Variants in NRXN1 observed in about 807,000 individuals in gnomAD.
The protein encoded by NRXN1 is neurexin-1.
NRXN1 carries 39 observed loss-of-function variants against 150.9 expected under a neutral mutation model. The ratio of observed to expected loss-of-function variants is 0.26; its 90% confidence interval spans 0.20 to 0.34. The LOEUF is 0.34. Among genes scored for constraint, NRXN1 ranks in the 10% least tolerant of loss-of-function variants. The pLI is 1.00. For synonymous variants in NRXN1, 924 were observed against 757.0 expected, an observed-to-expected ratio of 1.22 and a Z score of -3.62; for missense variants, 1,815 against 1,949.9, an observed-to-expected ratio of 0.93 and a Z score of 1.30.
intron 2 of NRXN1, among the ~76,000 whole-genome samples, chr2:50,963,636 G>A (rs1017264943): frequency 6.6e-6 from 1 of 151,664 alleles, no homozygotes; most frequent in Non-Finnish European, 1.5e-5. Context: ...TTACCTGAAT[G>A]AGGAAGACAC....
intron 2 of NRXN1, among the ~76,000 whole-genome samples, chr2:50,978,271 C>CATATATATATATATATATATATATATAT (rs10671122): frequency 4.2e-5 from 4 of 95,034 alleles, no homozygotes; most frequent in Non-Finnish European, 9.1e-5. Flanking sequence ...GGATATTATA[C>CATATATATATATATATATATATATATAT]ATATATATAT....
intron 2 of NRXN1, among the ~76,000 whole-genome samples, chr2:50,938,630 G>T (rs926845001): frequency 2.0e-5 from 3 of 152,082 alleles, no homozygotes; most frequent in East Asian, 1.9e-4. Context: ...CCTAAGACTG[G>T]GTAATTCATA....
chr2:50,954,755 GT>G (rs1381322024), intron 2 of NRXN1, among the ~76,000 whole-genome samples: 6 of 152,188 alleles, frequency 3.9e-5, no homozygotes, highest in Non-Finnish European at 8.8e-5. Context: ...CAGAGTTGGA[GT>G]TTCTATGAAT....
chr2:50,495,718 A>G (rs2091563644), intron 15 of NRXN1, among the ~76,000 whole-genome samples, 187 bp downstream of exon 15: 1 of 152,120 alleles, frequency 6.6e-6, no homozygotes. Context: ...GTTATTAAAA[A>G]TACATAGGTT....
Position 50,132,753 on chromosome 2 carries a change from G to A in NRXN1, c.3547-41259C>T, listed in dbSNP as rs996565380. Among the ~76,000 whole-genome samples, 8 of 151,882 alleles carry A rather than the reference G, an allele frequency of 5.3e-5. No homozygotes were observed. The East Asian group carries it at 1.2e-3, about 22-fold the overall frequency. On this transcript the variant is annotated intron_variant, in intron 18 of 22. Transcript: ENST00000401669. ...CTTTCTTCCAGTAGCTTCCTGGAAG[G>A]AAAATTTGAGGAAACGTCTAATGTA...
chr2:50,333,703 A>G (rs974283957), intron 17 of NRXN1, among the ~76,000 whole-genome samples: 7 of 151,930 alleles, frequency 4.6e-5, no homozygotes, highest in Non-Finnish European at 1.0e-4. Flanking sequence ...GACGGCCTCT[A>G]TTAGGCCTGA....
At chr2:50,558,726 T>C (rs1049651036) in intron 8 of NRXN1, among the ~76,000 whole-genome samples, 6 of 152,226 alleles carry the variant, frequency 3.9e-5, no homozygotes, top group African/African-American at 1.2e-4. Flanking sequence ...TTTTTGTTTG[T>C]TTATTTGTTT....
At chr2:50,749,363 G>A (rs1189614585) in intron 5 of NRXN1, among the ~76,000 whole-genome samples, 5 of 151,982 alleles carry the variant, frequency 3.3e-5, no homozygotes, top group African/African-American at 9.7e-5. Context: ...CTAAAAGTCC[G>A]TGAATCCCAT....
intron 5 of NRXN1, among the ~76,000 whole-genome samples, chr2:50,810,857 G>A (rs1668119153): frequency 6.6e-6 from 1 of 152,002 alleles, no homozygotes; most frequent in Admixed American, 6.6e-5. Context: ...GTGCACACCT[G>A]TAGTCCCAGC....
At chr2:49,957,680 C>G (rs1455367333) in intron 21 of NRXN1, among the ~76,000 whole-genome samples, 2 of 152,154 alleles carry the variant, frequency 1.3e-5, no homozygotes, top group Non-Finnish European at 2.9e-5. Context: ...AAGCATTTGT[C>G]AAATCATATT....
chr2:50,368,939 C>T (rs964855574), intron 17 of NRXN1, among the ~76,000 whole-genome samples: 2 of 151,880 alleles, frequency 1.3e-5, no homozygotes, highest in Non-Finnish European at 2.9e-5. Flanking sequence ...GAAATTATAG[C>T]ATTTGTAATA....
intron 5 of NRXN1, among the ~76,000 whole-genome samples, chr2:50,786,289 C>T (rs1705102594): frequency 6.6e-6 from 1 of 151,998 alleles, no homozygotes; most frequent in Admixed American, 6.6e-5. Context: ...AAGAGGGGCT[C>T]TTTTTAAAAA....
At chr2:50,770,633 A>C (rs1355102948) in intron 5 of NRXN1, among the ~76,000 whole-genome samples, 1 of 152,074 alleles carries the variant, frequency 6.6e-6, no homozygotes. Context: ...CTTACAATTA[A>C]ATTTTTTATA....
chr2:50,055,702 C>T (rs1693491690), intron 19 of NRXN1, among the ~76,000 whole-genome samples: 1 of 152,138 alleles, frequency 6.6e-6, no homozygotes, highest in Non-Finnish European at 1.5e-5. Flanking sequence ...AAGGCTTTGA[C>T]AAAAGTCACT....
At chr2:50,208,395 G>C (rs963869256) in intron 18 of NRXN1, among the ~76,000 whole-genome samples, 2 of 152,038 alleles carry the variant, frequency 1.3e-5, no homozygotes, top group East Asian at 3.9e-4. Context: ...GACCAAGCAG[G>C]TATCAAATGA....
chr2:50,177,096 G>A (rs1479924235), intron 18 of NRXN1, among the ~76,000 whole-genome samples: 1 of 152,148 alleles, frequency 6.6e-6, no homozygotes, highest in East Asian at 1.9e-4. Context: ...AAATTTACTT[G>A]AAAGTTAGAG....
rs1274590680 is a variant in NRXN1 at position 51,027,880 on chromosome 2, G to C, written c.394C>G (p.Gln132Glu). The C allele has an allele frequency of 6.2e-7, 1 of 1,612,234 alleles. No individual in the cohort carries two copies. The highest frequency in any genetic ancestry group is 1.3e-5 in the African/African-American group (1 of 74,928). Residue 132 changes from glutamine (Q) to glutamate (E), a missense_variant, in exon 2 of 23, where the codon CAG becomes GAG. Coordinates refer to ENST00000401669, the MANE Select transcript of NRXN1 (RefSeq NM_001330078.2). Reference sequence around the variant, plus strand: ...ACCTCCACCCACTTGGCCTCCACCTGGTCGATGAAGAGCGTGGTGTTGCGG... The same window carrying C: ...ACCTCCACCCACTTGGCCTCCACCTCGTCGATGAAGAGCGTGGTGTTGCGG... ...QFRNTTLFID[Q>E]VEAKWVEVKS... is the part of the protein sequence containing the mutation.
intron 21 of NRXN1, among the ~76,000 whole-genome samples, chr2:49,984,558 T>C (rs1680575189): frequency 6.6e-6 from 1 of 152,190 alleles, no homozygotes; most frequent in Non-Finnish European, 1.5e-5. Context: ...CTCTCCTCTT[T>C]TATGGCTCTT....
Position 50,623,626 on chromosome 2 carries a change from A to G in NRXN1, c.833-11T>C. 1 of 1,590,390 alleles carries G rather than the reference A, an allele frequency of 6.3e-7. No homozygotes were observed. Among genetic ancestry groups the G allele is most frequent in the Non-Finnish European group, 8.6e-7 (1 of 1,161,506 alleles). ...TATATTCTTCTTTTCCTAGAGGAAA[A>G]CAGATGATACATACATAAGTAAACA... On this transcript the variant is annotated splice_polypyrimidine_tract_variant and intron_variant, in intron 5 of 22. Coordinates refer to ENST00000401669, the MANE Select transcript of NRXN1 (RefSeq NM_001330078.2).
Sources: gnomAD v4.1 joint callset for allele counts (sites outside exome capture counted in the v4.1 genomes callset) on GRCh38, gnomAD v4.1.1 for gene constraint, MANE v1.5 for transcripts, NCBI Gene and HGNC (gene_info 2026-07-23, HGNC 2026-07-21) for gene names.